HYDIN: variants seen among roughly 807,000 people sequenced by gnomAD.
HYDIN encodes the protein axonemal central pair apparatus protein HYDIN.
In HYDIN, 132 loss-of-function variants were observed where a neutral mutation model predicts 403.9. The ratio of observed to expected loss-of-function variants is 0.33; its 90% CI spans 0.28 to 0.38. The LOEUF is 0.38. HYDIN is among the 10% of genes least tolerant of loss of function. HYDIN has a pLI of 1.00. For missense variants in HYDIN, 2,827 were observed against 5,009.5 expected, an observed-to-expected ratio of 0.56 and a Z score of 13.15; for synonymous variants, 1,202 against 1,891.7, an observed-to-expected ratio of 0.64 and a Z score of 9.46.
In HYDIN at chr16:70,837,862, G is replaced by C. The variant is rs570237833; in HGVS notation, c.13070C>G (p.Thr4357Ser). 3 of 1,613,914 alleles carry C rather than the reference G, an allele frequency of 1.9e-6. No individual in the cohort carries two copies. The highest frequency in any genetic ancestry group is 2.5e-6 in the Non-Finnish European group (3 of 1,179,832). The change falls in exon 77 of 86, where the codon ACT (threonine) becomes AGT (serine). Residue 4357 changes from threonine to serine, a missense_variant. Coordinates refer to ENST00000393567, the MANE Select transcript of HYDIN (RefSeq NM_001270974.2). Reference sequence around the variant, plus strand: ...AACACGGGAGTTCACCTCGAGGTGAGTGGTGTTGGTGTACAGACAATCTAT... The same window carrying C: ...AACACGGGAGTTCACCTCGAGGTGACTGGTGTTGGTGTACAGACAATCTAT... ...MSIDCLYTNTTHLEVNSRVDV... is the reference protein window; with the variant it reads ...MSIDCLYTNTSHLEVNSRVDV...
rs934258008 is a variant in HYDIN at position 71,051,894 on chromosome 16, T to C, written c.2529+8610A>G. Among the ~76,000 whole-genome samples, 5 of 152,170 alleles carry C rather than the reference T, an allele frequency of 3.3e-5. No homozygotes were observed. The South Asian group carries it at 8.3e-4, about 25-fold the overall frequency. ...TGAAAGCTGACACAAGAAAATTCAA[T>C]AGTGCTCCTATAAATTATTATCTAG... On this transcript the variant is annotated intron_variant, in intron 18 of 85. Transcript: ENST00000393567.
chr16:71,039,947 A>G (rs1317830937), intron 18 of HYDIN, among the ~76,000 whole-genome samples: 1 of 152,218 alleles, frequency 6.6e-6, no homozygotes, highest in Non-Finnish European at 1.5e-5. Flanking sequence ...GTGTCCACAG[A>G]CGGCAGAGCT....
intron 3 of HYDIN, among the ~76,000 whole-genome samples, chr16:71,181,031 C>T (rs2086880041): frequency 6.6e-6 from 1 of 151,690 alleles, no homozygotes; most frequent in African/African-American, 2.4e-5. Context: ...AGACCTTTAT[C>T]CAGAAACTAA....
chr16:71,177,807 C>G (rs1478339649), intron 4 of HYDIN, among the ~76,000 whole-genome samples: 1 of 152,226 alleles, frequency 6.6e-6, no homozygotes, highest in Non-Finnish European at 1.5e-5. Flanking sequence ...TGCTGAACTT[C>G]TGCATTACTT....
intron 35 of HYDIN, among the ~76,000 whole-genome samples, chr16:70,971,959 AGCT>A: frequency 6.6e-6 from 1 of 152,358 alleles, no homozygotes; most frequent in Non-Finnish European, 1.5e-5. Context: ...CCTTGTATAC[AGCT>A]AATAAATTTC....
intron 36 of HYDIN, among the ~76,000 whole-genome samples, chr16:70,967,545 G>A (rs1463109053): frequency 2.6e-5 from 4 of 151,734 alleles, no homozygotes; most frequent in Admixed American, 2.0e-4. Context: ...GCAGTGGCGC[G>A]ATCACAGCTC....
At chr16:71,127,673 C>T (rs1434931019) in intron 9 of HYDIN, among the ~76,000 whole-genome samples, 1 of 152,178 alleles carries the variant, frequency 6.6e-6, no homozygotes, top group Non-Finnish European at 1.5e-5. Context: ...CCCAGGGCTG[C>T]CCAGGGGTAG....
intron 18 of HYDIN, among the ~76,000 whole-genome samples, chr16:71,056,488 A>AG (rs1249598548): frequency 1.4e-4 from 21 of 151,934 alleles, no homozygotes; most frequent in African/African-American, 5.1e-4. Context: ...ATCACTATGG[A>AG]GGTAGGCTTC....
chr16:70,825,620 G>A lies in HYDIN; in HGVS notation c.14427+1641C>T, dbSNP rs539281531. On this transcript the variant is annotated intron_variant, in intron 83 of 85. Transcript: ENST00000393567. ...TTAGTGGTTTGTAGTATATTCACAAGGCAGGGTAGCCATCACCACAATAAA... is the reference window on the plus strand; with the variant it reads ...TTAGTGGTTTGTAGTATATTCACAAAGCAGGGTAGCCATCACCACAATAAA... Among the ~76,000 whole-genome samples the A allele has an allele frequency of 1.6e-4, 22 of 138,056 alleles. 1 individual carries two copies. In the South Asian group the frequency reaches 2.5e-3, roughly 16 times the overall value. The allele number at this position is 138,056 out of a possible 152,430, so 90.6% of individuals were successfully genotyped here. A position where few individuals can be genotyped will look rare whatever the true frequency, so the allele number is the denominator to read the frequency against.
chr16:70,944,757 TTTATTA>T (rs2077797135), intron 41 of HYDIN, among the ~76,000 whole-genome samples: 1 of 152,178 alleles, frequency 6.6e-6, no homozygotes, highest in Non-Finnish European at 1.5e-5. Flanking sequence ...TTATATTTAT[TTTATTA>T]TATTTTTGAG....
chr16:71,145,646 A>C lies in HYDIN; in HGVS notation c.841+7013T>G, dbSNP rs113823498. On this transcript the variant is annotated intron_variant, in intron 7 of 85. Transcript: ENST00000393567. ...TATGGGTGTCATTCCAAATGCTTAC[A>C]TAAAAGTAAAATTGATATCCAGGGA... 2.0e-3 allele frequency among the ~76,000 whole-genome samples: 299 copies of C among 152,298 alleles called. 3 individuals carry two copies. The highest frequency in any genetic ancestry group is 6.8e-3 in the African/African-American group (281 of 41,556).
intron 13 of HYDIN, 147 bp from the exon 14 acceptor site, chr16:71,069,649 T>C (rs1412149482): frequency 1.5e-6 from 1 of 650,660 alleles, no homozygotes; most frequent in Non-Finnish European, 2.6e-6. Flanking sequence ...AAATATTATT[T>C]TTATTGTTTC....
chr16:71,120,656 C>T (rs1557896), intron 9 of HYDIN, among the ~76,000 whole-genome samples: 194 of 151,068 alleles, frequency 1.3e-3, no homozygotes, highest in African/African-American at 4.4e-3. Flanking sequence ...TAAAAAATTG[C>T]CTTCCTTCCC....
chr16:70,945,802 C>G (rs2077839731), intron 41 of HYDIN, among the ~76,000 whole-genome samples: 1 of 152,092 alleles, frequency 6.6e-6, no homozygotes. Flanking sequence ...CTGTATTTGT[C>G]CAGGTGAAGA....
At chr16:71,206,714 A>T (rs931159000) in intron 1 of HYDIN, among the ~76,000 whole-genome samples, 2 of 152,262 alleles carry the variant, frequency 1.3e-5, no homozygotes, top group Non-Finnish European at 2.9e-5. Flanking sequence ...CAAAATAGCC[A>T]GTATAGAAAA....
intron 9 of HYDIN, among the ~76,000 whole-genome samples, chr16:71,118,052 G>A (rs2084111103): frequency 6.6e-6 from 1 of 152,080 alleles, no homozygotes; most frequent in Non-Finnish European, 1.5e-5. Context: ...CTCCACCAAG[G>A]AAGTCAAGTA....
At chr16:71,099,944 A>G (rs2083404924) in intron 10 of HYDIN, among the ~76,000 whole-genome samples, 1 of 152,208 alleles carries the variant, frequency 6.6e-6, no homozygotes, top group Non-Finnish European at 1.5e-5. Flanking sequence ...TCAAGGCTGC[A>G]GTGAGCTATG....
chr16:70,964,697 G>T lies in HYDIN; in HGVS notation c.5788+31C>A, dbSNP rs550568406. 7.0e-5 allele frequency: 113 copies of T among 1,611,994 alleles called. 2 individuals carry two copies. In the South Asian group the frequency reaches 1.1e-3, roughly 16 times the overall value. ...TTCAGAGGGGCAAAGGCAATGGTTA[G>T]CATGAGGTGTTCTCCACATTGAGTT... On this transcript the variant is annotated intron_variant, in intron 37 of 85. Coordinates refer to ENST00000393567, the MANE Select transcript of HYDIN (RefSeq NM_001270974.2).
chr16:71,108,498 C>T (rs545765321), intron 10 of HYDIN, among the ~76,000 whole-genome samples: 149 of 152,086 alleles, frequency 9.8e-4, no homozygotes, highest in African/African-American at 3.4e-3. Context: ...TAACATAGTG[C>T]TTGCCTTATA....
Sources: allele counts gnomAD v4.1 joint callset (sites outside exome capture counted in the v4.1 genomes callset), GRCh38; gene constraint gnomAD v4.1.1; transcripts MANE v1.5; gene names NCBI Gene and HGNC (gene_info 2026-07-23, HGNC 2026-07-21).